The following DLGAP3 variants were observed in gnomAD, a reference collection of about 807,000 sequenced individuals.
The protein encoded by DLGAP3 is DLG associated protein 3.
DLGAP3 carries 17 observed loss-of-function variants against 81.2 expected under a neutral mutation model. That is an observed-to-expected ratio of 0.21 (90% CI 0.14 to 0.31). The LOEUF is 0.31. Among genes scored for constraint, DLGAP3 ranks in the 10% least tolerant of loss-of-function variants. DLGAP3 has a pLI of 1.00. For synonymous variants in DLGAP3, 577 were observed against 587.4 expected (o/e 0.98, Z 0.26); for missense variants, 1,124 against 1,388.0 (o/e 0.81, Z 3.02).
At chr1:34,905,498 A>AT in intron 2 of DLGAP3, 64 bp from the exon 3 acceptor site, 1 of 1,128,808 alleles carries the variant, frequency 8.9e-7, no homozygotes, top group South Asian at 1.6e-5. Context: ...ACCATCTTTT[A>AT]TTAGGCATCC....
In DLGAP3 at chr1:34,865,850, C is replaced by A. The variant is rs1569584439; in HGVS notation, c.*233G>T. ...GCGTCGGACCAGGTGGGCAGGGGAT[C>A]CAGGTGAGGGGCGCAGGGCGGAGAG... is the stretch of plus-strand genomic sequence containing the variant. On this transcript the variant is annotated 3_prime_UTR_variant, in exon 12 of 12. Transcript: ENST00000373347. The A allele has an allele frequency of 4.7e-6, 3 of 636,038 alleles. No homozygotes were observed. Among genetic ancestry groups the A allele is most frequent in the East Asian group, 6.0e-5 (2 of 33,326 alleles). 39.4% of individuals were successfully genotyped at this position (636,038 alleles called of 1,614,324 possible). A position where few individuals can be genotyped will look rare whatever the true frequency, so the allele number is the denominator to read the frequency against.
At position 34,902,548 on chromosome 1, in the gene DLGAP3, G is replaced by A. The variant is rs1639477048; in HGVS notation, c.1107+1729C>T. On this transcript the variant is annotated intron_variant, in intron 3 of 11. Coordinates refer to ENST00000373347, the MANE Select transcript of DLGAP3 (RefSeq NM_001080418.3). This position sits in a 1 kb window ranked among gnomAD's most constrained non-coding sequence, Gnocchi z 4.4. ...CCAGCCTCCCCTGCTTTTGTACCAG[G>A]GGAGTGCGAGGCTGTCTGGAGGGTC... Among the ~76,000 whole-genome samples the A allele has an allele frequency of 6.6e-6, 1 of 152,058 alleles. No individual in the cohort carries two copies. The highest frequency in any genetic ancestry group is 2.4e-5 in the African/African-American group (1 of 41,388).
intron 4 of DLGAP3, 68 bp downstream of exon 4, chr1:34,900,000 A>G (rs1034376881): frequency 1.1e-5 from 15 of 1,388,116 alleles, no homozygotes; most frequent in Non-Finnish European, 1.5e-5. Flanking sequence ...CCCACTCTAC[A>G]CACATCTCCC....
intron 5 of DLGAP3, among the ~76,000 whole-genome samples, chr1:34,897,888 G>T (rs574089641): frequency 6.6e-6 from 1 of 152,290 alleles, no homozygotes; most frequent in Admixed American, 6.5e-5. Context: ...GAGAGAGAAA[G>T]TGGTCAAGAC....
chr1:34,904,135 A>G lies in DLGAP3; in HGVS notation c.1107+142T>C, dbSNP rs146707348. On this transcript the variant is annotated intron_variant, in intron 3 of 11. Transcript: ENST00000373347. This position sits in a 1 kb window ranked among gnomAD's most constrained non-coding sequence, Gnocchi z 8.1. ...CCCCAAAGGAGCTCAGAGTGACCCA[A>G]TGGGGCAGGGCAGAGCCTCCCTACA... 4.6e-5 allele frequency: 46 copies of G among 1,004,270 alleles called. No homozygotes were observed. Among genetic ancestry groups the G allele is most frequent in the Middle Eastern group, 5.1e-4 (2 of 3,960 alleles). 62.2% of individuals were successfully genotyped at this position (1,004,270 alleles called of 1,614,324 possible).
intron 8 of DLGAP3, among the ~76,000 whole-genome samples, 197 bp downstream of exon 8, chr1:34,884,781 C>T (rs76197382): frequency 0.014 from 2,132 of 152,286 alleles, 24 homozygotes; most frequent in African/African-American, 0.043. Flanking sequence ...GGCACAAGAA[C>T]TCTAGGTTTG....
chr1:34,900,885 G>C lies in DLGAP3; in HGVS notation c.1108-612C>G, dbSNP rs1434397588. ...CCTAAATTAAGACAATGACAATGAG[G>C]GGGAAGAGGAGGAGATGGAAATGAG... On this transcript the variant is annotated intron_variant, in intron 3 of 11. Transcript: ENST00000373347. This position sits in a 1 kb window ranked among gnomAD's most constrained non-coding sequence, Gnocchi z 5.6. Among the ~76,000 whole-genome samples the C allele has an allele frequency of 6.6e-6, 1 of 152,112 alleles. No individual in the cohort carries two copies. The highest frequency in any genetic ancestry group is 1.9e-4 in the East Asian group (1 of 5,174).
In DLGAP3 at chr1:34,866,256, C is replaced by A; in HGVS notation, c.2767G>T (p.Gly923Cys). The change falls in exon 12 of 12, where the codon GGC (glycine) becomes TGC (cysteine). Residue 923 changes from glycine (G) to cysteine (C), a missense_variant. By Grantham distance (159) the Gly-to-Cys change is radical (BLOSUM62 -3). Around this residue, in one of 9 missense-constraint regions of DLGAP3, gnomAD observed 133 missense variants for 171.1 expected, o/e 0.78. Coordinates refer to ENST00000373347, the MANE Select transcript of DLGAP3 (RefSeq NM_001080418.3). The stretch of plus-strand genomic sequence containing the variant: ...CGCTCCTTCACCGGCACGCCCCGGC[C>A]CCGCAGGGGCTTCTTTGGTATCGGC... ...PPPIPKKPLRGRGVPVKERSL... is the reference protein window; with the variant it reads ...PPPIPKKPLRCRGVPVKERSL... The A allele has an allele frequency of 6.4e-7, 1 of 1,558,676 alleles. No individual in the cohort carries two copies. The highest frequency in any genetic ancestry group is 8.7e-7 in the Non-Finnish European group (1 of 1,154,270).
At chr1:34,883,656 T>C (rs1023341205) in intron 8 of DLGAP3, among the ~76,000 whole-genome samples, 1 of 152,148 alleles carries the variant, frequency 6.6e-6, no homozygotes, top group Non-Finnish European at 1.5e-5. Context: ...GAACAGCAGG[T>C]TTAGAAGTCA....
At position 34,885,616 on chromosome 1, in the gene DLGAP3, C is replaced by A. The variant is rs958224828; in HGVS notation, c.1776G>T (p.Ala592=). ...GCACCGGCGCCAACTCCAGTGTGCG[C>A]GCACCCATGGCGGGGCCGTCCAGCC... ...ADGLDGPAMG[A]RTLELAPVPP... The change falls in exon 7 of 12, where the codon GCG becomes GCT. Residue 592 remains alanine, a synonymous_variant. Transcript: ENST00000373347. 1 of 1,570,714 alleles carries A rather than the reference C, an allele frequency of 6.4e-7. No individual in the cohort carries two copies. Among genetic ancestry groups the A allele is most frequent in the Non-Finnish European group, 8.6e-7 (1 of 1,163,676 alleles).
chr1:34,865,787 G>T lies in DLGAP3; in HGVS notation c.*296C>A. ...CGGCCTGGCCCGTGGGGGAAAGAATGGCAGAGATGGTGCCCATGGGGAGGA... is the reference window on the plus strand; with the variant it reads ...CGGCCTGGCCCGTGGGGGAAAGAATTGCAGAGATGGTGCCCATGGGGAGGA... On this transcript the variant is annotated 3_prime_UTR_variant, in exon 12 of 12. Transcript: ENST00000373347. 2.0e-6 allele frequency: 1 copy of T among 490,160 alleles called. No individual in the cohort carries two copies. Among genetic ancestry groups the T allele is most frequent in the Non-Finnish European group, 3.7e-6 (1 of 272,582 alleles). 30.4% of individuals were successfully genotyped at this position (490,160 alleles called of 1,614,324 possible). A position where few individuals can be genotyped will look rare whatever the true frequency, so the allele number is the denominator to read the frequency against.
chr1:34,905,401 T>C lies in DLGAP3; in HGVS notation c.-18A>G. On this transcript the variant is annotated 5_prime_UTR_variant, in exon 3 of 12. Coordinates refer to ENST00000373347, the MANE Select transcript of DLGAP3 (RefSeq NM_001080418.3). ...CCCCTCATGGCCTCAGCAAAGGCTCTTCATAGTCTTGGGGGCCAGGCCCCA... is the reference window on the plus strand; with the variant it reads ...CCCCTCATGGCCTCAGCAAAGGCTCCTCATAGTCTTGGGGGCCAGGCCCCA... The C allele has an allele frequency of 6.5e-7, 1 of 1,546,888 alleles. No homozygotes were observed. The highest frequency in any genetic ancestry group is 8.7e-7 in the Non-Finnish European group (1 of 1,145,454).
rs553384444 is a variant in DLGAP3 at position 34,915,549 on chromosome 1, T to G, written c.-134-8112A>C. On this transcript the variant is annotated intron_variant, in intron 1 of 11. Coordinates refer to ENST00000373347, the MANE Select transcript of DLGAP3 (RefSeq NM_001080418.3). ...GGGACAGCCTCCTGGATTAGCACACTGTCCCGTAAGCTCTCTGTGTGAGCT... is the reference window on the plus strand; with the variant it reads ...GGGACAGCCTCCTGGATTAGCACACGGTCCCGTAAGCTCTCTGTGTGAGCT... 1.1e-4 allele frequency among the ~76,000 whole-genome samples: 16 copies of G among 152,328 alleles called. No individual in the cohort carries two copies. The South Asian group carries it at 2.3e-3, about 22-fold the overall frequency.
rs1407778896 is a variant in DLGAP3 at position 34,885,056 on chromosome 1, G to A, written c.1922C>T (p.Thr641Met). The A allele has an allele frequency of 6.2e-7, 1 of 1,612,990 alleles. No homozygotes were observed. Among genetic ancestry groups the A allele is most frequent in the Non-Finnish European group, 8.5e-7 (1 of 1,179,668 alleles). Reference sequence around the variant, plus strand: ...GTTCTCGGTGTCCGAATCTGAGATCGTCTCCACCTGGTGGCAGGGTGGAGG... The same window carrying A: ...GTTCTCGGTGTCCGAATCTGAGATCATCTCCACCTGGTGGCAGGGTGGAGG... ...WRPSIGVQVETISDSDTENRS... is the reference protein window; with the variant it reads ...WRPSIGVQVEMISDSDTENRS... Residue 641 changes from threonine (T) to methionine (M), a missense_variant, in exon 8 of 12, where the codon ACG (threonine) becomes ATG (methionine). This residue lies in a region of DLGAP3 where 379 missense variants were observed against 455.7 expected (regional missense o/e 0.83). Transcript: ENST00000373347.
In DLGAP3 at chr1:34,906,016, T is replaced by TTTTTTATATATA. The variant is rs60469155; in HGVS notation, c.-51-583_-51-582insTATATATAAAAA. On this transcript the variant is annotated intron_variant, in intron 2 of 11. Coordinates refer to ENST00000373347, the MANE Select transcript of DLGAP3 (RefSeq NM_001080418.3). The stretch of plus-strand genomic sequence containing the variant: ...ACAGAGCGAGACCTGGCCTCTAAAT[T>TTTTTTATATATA]TATATATATATATATATTTGTTTGT... Among the ~76,000 whole-genome samples, 5 of 64,806 alleles carry TTTTTTATATATA rather than the reference T, an allele frequency of 7.7e-5. 1 individual carries two copies. The highest frequency in any genetic ancestry group is 1.5e-4 in the Admixed American group (1 of 6,478). 42.5% of individuals were successfully genotyped at this position (64,806 alleles called of 152,430 possible).
intron 8 of DLGAP3, 124 bp downstream of exon 8, chr1:34,884,852 TAA>T: frequency 1.3e-6 from 1 of 775,178 alleles, no homozygotes; most frequent in South Asian, 1.5e-5. Flanking sequence ...CCACCCTCTA[TAA>T]AAAGGCTTGG....
rs746804266 is a variant in DLGAP3, at chr1:34,900,199, G to A, written c.1182C>T (p.Ser394=). 15 of 1,614,106 alleles carry A rather than the reference G, an allele frequency of 9.3e-6. No individual in the cohort carries two copies. The highest frequency in any genetic ancestry group is 4.5e-5 in the East Asian group (2 of 44,874). ...CCCCCATGGCTTTGATGTAGCTGCCGCTCCGCATCCTGCGGCAGGGGATCT... is the reference window on the plus strand; with the variant it reads ...CCCCCATGGCTTTGATGTAGCTGCCACTCCGCATCCTGCGGCAGGGGATCT... ...DGEIPCRRMR[S]GSYIKAMGDE... Residue 394 remains serine (S), a synonymous_variant, in exon 4 of 12, where the codon AGC becomes AGT. Coordinates refer to ENST00000373347, the MANE Select transcript of DLGAP3 (RefSeq NM_001080418.3). The surrounding 1 kb of genome is among the most constrained non-coding windows in gnomAD (Gnocchi z 5.6).
intron 5 of DLGAP3, 94 bp from the exon 6 acceptor site, chr1:34,886,379 T>C: frequency 8.3e-7 from 1 of 1,203,870 alleles, no homozygotes; most frequent in Non-Finnish European, 1.1e-6. Context: ...CCTCTCTATA[T>C]CTGCAGAGGC....
intron 8 of DLGAP3, among the ~76,000 whole-genome samples, chr1:34,882,145 G>A (rs770371830): frequency 5.3e-5 from 8 of 152,212 alleles, no homozygotes; most frequent in South Asian, 2.1e-4. Flanking sequence ...CAGCAGCAAC[G>A]TTACTGAATA....
Sources: gnomAD v4.1 joint callset for allele counts (sites outside exome capture counted in the v4.1 genomes callset) on GRCh38, gnomAD v4.1.1 for gene constraint, gnomAD v4.1.1 regional missense constraint, Gnocchi (gnomAD v3.1) non-coding constraint, MANE v1.5 for transcripts, NCBI Gene and HGNC (gene_info 2026-07-23, HGNC 2026-07-21) for gene names.